FOXP1: variants seen among roughly 807,000 people sequenced by gnomAD.
FOXP1 encodes forkhead box protein P1.
Under a neutral mutation model 98.2 loss-of-function variants are expected in FOXP1, and 15 were observed. The ratio of observed to expected loss-of-function variants is 0.15; its 90% confidence interval spans 0.10 to 0.24. The LOEUF (loss-of-function observed/expected upper bound fraction) is 0.24. Among genes scored for constraint, FOXP1 ranks in the 10% least tolerant of loss-of-function variants. The pLI, the probability that FOXP1 is intolerant of heterozygous loss-of-function variation, is 1.00. For missense variants in FOXP1, 633 were observed against 848.5 expected (o/e 0.75, Z 3.15); for synonymous variants, 371 against 314.5 (o/e 1.18, Z -1.90).
At chr3:71,164,420 C>T (rs1001464149) in intron 6 of FOXP1, among the ~76,000 whole-genome samples, 4 of 152,086 alleles carry the variant, frequency 2.6e-5, no homozygotes, top group African/African-American at 7.2e-5. Context: ...AGGATGGTCT[C>T]GATCTCCTGA....
chr3:70,999,170 A>T (rs921157442), intron 13 of FOXP1, among the ~76,000 whole-genome samples: 1 of 151,960 alleles, frequency 6.6e-6, no homozygotes, highest in Non-Finnish European at 1.5e-5. Context: ...GCTCACTGCA[A>T]CCTCTACCTC....
chr3:71,145,635 G>A (rs1319699207), intron 6 of FOXP1, among the ~76,000 whole-genome samples: 2 of 152,190 alleles, frequency 1.3e-5, no homozygotes, highest in Non-Finnish European at 1.5e-5. Flanking sequence ...ATGCATGAGA[G>A]TTCACTTGCT....
At chr3:71,494,032 A>AT (rs1418473165) in intron 2 of FOXP1, among the ~76,000 whole-genome samples, 2 of 152,142 alleles carry the variant, frequency 1.3e-5, no homozygotes, top group Admixed American at 1.3e-4. Flanking sequence ...GGTAATCATC[A>AT]TTTTTTTCTC....
At chr3:71,013,225 A>C (rs2043921319) in intron 12 of FOXP1, among the ~76,000 whole-genome samples, 1 of 152,186 alleles carries the variant, frequency 6.6e-6, no homozygotes, top group Non-Finnish European at 1.5e-5. Flanking sequence ...AAGGACAAGA[A>C]CCTGAACAAA....
intron 5 of FOXP1, among the ~76,000 whole-genome samples, chr3:71,249,775 G>A (rs2068040951): frequency 6.6e-6 from 1 of 152,174 alleles, no homozygotes; most frequent in African/African-American, 2.4e-5. Flanking sequence ...GGGAAAGTGA[G>A]GAGGGGAGAA....
chr3:71,165,536 T>G (rs1293262236), intron 6 of FOXP1, among the ~76,000 whole-genome samples: 1 of 152,184 alleles, frequency 6.6e-6, no homozygotes, highest in East Asian at 1.9e-4. Flanking sequence ...ATGTTTGTTT[T>G]AACTAATGTA....
chr3:71,479,530 T>G (rs2090107666), intron 3 of FOXP1, among the ~76,000 whole-genome samples: 1 of 151,548 alleles, frequency 6.6e-6, no homozygotes, highest in African/African-American at 2.4e-5. Context: ...AATACAAAAA[T>G]TAGCCAGGCG....
At chr3:71,559,861 T>C (rs765684433) in intron 2 of FOXP1, among the ~76,000 whole-genome samples, 8 of 150,312 alleles carry the variant, frequency 5.3e-5, no homozygotes, top group Non-Finnish European at 1.2e-4. Flanking sequence ...CTGCTGGGGG[T>C]TGCGGGGGGG....
intron 3 of FOXP1, among the ~76,000 whole-genome samples, chr3:71,391,010 T>C (rs971857766): frequency 6.6e-6 from 1 of 152,210 alleles, no homozygotes; most frequent in African/African-American, 2.4e-5. Context: ...TCCATCTAAG[T>C]TCCCCCTCCC....
chr3:71,377,958 C>G (rs974666554), intron 3 of FOXP1, among the ~76,000 whole-genome samples: 1 of 152,028 alleles, frequency 6.6e-6, no homozygotes. Flanking sequence ...CTTTTATCCC[C>G]CAGACATCTA....
At chr3:71,032,414 G>C (rs1052882142) in intron 11 of FOXP1, among the ~76,000 whole-genome samples, 2 of 152,228 alleles carry the variant, frequency 1.3e-5, no homozygotes, top group African/African-American at 4.8e-5. Context: ...CAAAGGAACG[G>C]TTATCTTCTT....
chr3:71,130,705 G>T, intron 6 of FOXP1: 2 of 1,546,384 alleles, frequency 1.3e-6, no homozygotes, highest in East Asian at 2.3e-5. Flanking sequence ...GGCAACCTCA[G>T]GGAGGTTTGC....
Position 71,391,177 on chromosome 3 carries a change from C to T in FOXP1, c.-167-31933G>A, listed in dbSNP as rs1182452607. ...ACAAAAATATCACATATTTCCAATT[C>T]TAGATTGGACTTTGTCAGGTTTCAA... On this transcript the variant is annotated intron_variant, in intron 3 of 20. Coordinates refer to ENST00000649528, the MANE Select transcript of FOXP1 (RefSeq NM_001349338.3). Among the ~76,000 whole-genome samples the T allele has an allele frequency of 2.0e-5, 3 of 152,184 alleles. No homozygotes were observed. The East Asian group carries it at 5.8e-4, about 29-fold the overall frequency.
intron 5 of FOXP1, among the ~76,000 whole-genome samples, chr3:71,256,723 G>A (rs185042806): frequency 2.7e-4 from 41 of 152,228 alleles, no homozygotes; most frequent in Middle Eastern, 3.4e-3. Flanking sequence ...TTCCCCCACT[G>A]TTGCATGTAG....
chr3:71,009,389 C>T (rs1271078414), intron 12 of FOXP1, among the ~76,000 whole-genome samples: 1 of 152,044 alleles, frequency 6.6e-6, no homozygotes, highest in Non-Finnish European at 1.5e-5. Flanking sequence ...TGCTTTTGTA[C>T]CCCAATGGCA....
intron 2 of FOXP1, among the ~76,000 whole-genome samples, chr3:71,493,764 G>A (rs916952766): frequency 6.6e-6 from 1 of 152,012 alleles, no homozygotes; most frequent in African/African-American, 2.4e-5. Context: ...ACTTCAACAC[G>A]TACACTGTAA....
At chr3:71,221,191 G>A (rs902043900) in intron 5 of FOXP1, among the ~76,000 whole-genome samples, 2 of 152,126 alleles carry the variant, frequency 1.3e-5, no homozygotes, top group African/African-American at 4.8e-5. Context: ...CATAGGAGCA[G>A]GAACCCTATT....
chr3:71,400,450 T>C (rs1422767507), intron 3 of FOXP1, among the ~76,000 whole-genome samples: 1 of 152,070 alleles, frequency 6.6e-6, no homozygotes, highest in Non-Finnish European at 1.5e-5. Context: ...TCCAAATTCC[T>C]GGGTTCAATC....
chr3:70,958,904 G>A lies in FOXP1; in HGVS notation c.*343C>T, dbSNP rs111908780. The A allele has an allele frequency of 2.4e-6, 1 of 418,536 alleles. No homozygotes were observed. Among genetic ancestry groups the A allele is most frequent in the South Asian group, 2.4e-5 (1 of 42,194 alleles). The allele number at this position is 418,536 out of a possible 1,614,324, so 25.9% of individuals were successfully genotyped here. A position where few individuals can be genotyped will look rare whatever the true frequency, so the allele number is the denominator to read the frequency against. ...CGGGCGTCCTCAGTGTCCAACGTTGGCAGGACTGCAGTTCAAAGTCTGCTG... is the reference window on the plus strand; with the variant it reads ...CGGGCGTCCTCAGTGTCCAACGTTGACAGGACTGCAGTTCAAAGTCTGCTG... On this transcript the variant is annotated 3_prime_UTR_variant, in exon 21 of 21. Coordinates refer to ENST00000649528, the MANE Select transcript of FOXP1 (RefSeq NM_001349338.3).
Sources: gnomAD v4.1 joint callset for allele counts (sites outside exome capture counted in the v4.1 genomes callset) on GRCh38, gnomAD v4.1.1 for gene constraint, MANE v1.5 for transcripts, NCBI Gene and HGNC (gene_info 2026-07-23, HGNC 2026-07-21) for gene names.